TMPRSS15: variants seen among roughly 807,000 people sequenced by gnomAD.
TMPRSS15 encodes transmembrane serine protease 15, also known as enteropeptidase.
In TMPRSS15, 128 loss-of-function variants were observed where a neutral mutation model predicts 125.3. The observed-to-expected ratio is 1.02, with a 90% CI of 0.89 to 1.18. The LOEUF (loss-of-function observed/expected upper bound fraction) is 1.18. Among genes scored for constraint, TMPRSS15 ranks in the 50% most tolerant of loss-of-function variants. TMPRSS15 has a pLI of 0.00. For missense variants in TMPRSS15, 1,283 were observed against 1,212.7 expected (o/e 1.06, Z -0.86); for synonymous variants, 446 against 423.2 (o/e 1.05, Z -0.66).
At chr21:18,453,060 A>G (rs990757399) in intron 1 of TMPRSS15, among the ~76,000 whole-genome samples, 4 of 152,190 alleles carry the variant, frequency 2.6e-5, no homozygotes, top group Admixed American at 2.6e-4. Flanking sequence ...ATCTAGCACA[A>G]CTGAAACTTT....
chr21:18,424,032 G>A (rs1287601525), intron 1 of TMPRSS15, among the ~76,000 whole-genome samples: 3 of 152,006 alleles, frequency 2.0e-5, no homozygotes, highest in African/African-American at 7.3e-5. Flanking sequence ...TTTCAGCCTG[G>A]CATCAATAAT....
At chr21:18,302,346 G>T (rs2074981984) in intron 18 of TMPRSS15, among the ~76,000 whole-genome samples, 1 of 152,146 alleles carries the variant, frequency 6.6e-6, no homozygotes, top group Non-Finnish European at 1.5e-5. Context: ...GCAGAGGCTT[G>T]GTGGATAGAA....
chr21:18,440,582 A>G (rs1473076660), intron 1 of TMPRSS15, among the ~76,000 whole-genome samples: 2 of 151,960 alleles, frequency 1.3e-5, no homozygotes, highest in Non-Finnish European at 2.9e-5. Flanking sequence ...TATTTTTCAT[A>G]TTTATTATCC....
upstream of TMPRSS15, among the ~76,000 whole-genome samples, chr21:18,404,788 C>A (rs574090479): frequency 2.6e-5 from 4 of 151,834 alleles, no homozygotes; most frequent in South Asian, 8.3e-4. Context: ...TCTTCTTTAC[C>A]CATGAAAGAA....
intron 24 of TMPRSS15, among the ~76,000 whole-genome samples, chr21:18,272,398 T>C (rs1460238367): frequency 6.6e-5 from 10 of 152,160 alleles, no homozygotes; most frequent in Admixed American, 5.9e-4. Context: ...ATTTCATTCT[T>C]CCACTGTCTT....
intron 1 of TMPRSS15, among the ~76,000 whole-genome samples, chr21:18,480,032 T>C (rs1306324409): frequency 1.3e-5 from 2 of 151,988 alleles, no homozygotes; most frequent in Admixed American, 6.6e-5. Flanking sequence ...ATGTGGCACA[T>C]GTACACCATG....
intron 6 of TMPRSS15, among the ~76,000 whole-genome samples, chr21:18,370,747 T>C (rs1402460217): frequency 6.6e-6 from 1 of 152,162 alleles, no homozygotes; most frequent in African/African-American, 2.4e-5. Flanking sequence ...GAAATCTCTG[T>C]AGTAGAGTTG....
At chr21:18,413,363 T>TTCCTTC (rs1569064084) in intron 1 of TMPRSS15, among the ~76,000 whole-genome samples, 143 of 117,234 alleles carry the variant, frequency 1.2e-3, no homozygotes, top group African/African-American at 4.2e-3. Flanking sequence ...TTCCTTCCTT[T>TTCCTTC]CCTTCCTTCC....
At chr21:18,359,720 C>T (rs1260395554) in intron 8 of TMPRSS15, 37 bp downstream of exon 8, 1 of 1,028,638 alleles carries the variant, frequency 9.7e-7, no homozygotes, top group Non-Finnish European at 1.5e-6. Flanking sequence ...CACATATTTT[C>T]ATTTTCATAA....
intron 16 of TMPRSS15, among the ~76,000 whole-genome samples, chr21:18,315,464 A>G (rs111769623): frequency 0.021 from 2,515 of 120,020 alleles, 122 homozygotes; most frequent in African/African-American, 0.069. Flanking sequence ...CACGTTGTGC[A>G]CATGTACCGT....
chr21:18,294,637 C>G lies in TMPRSS15; in HGVS notation c.2277G>C (p.Gln759His). Residue 759 changes from glutamine (Q) to histidine (H), a missense_variant, in exon 20 of 25, where the codon CAG (glutamine) becomes CAC (histidine). Transcript: ENST00000284885. ...LILTPSQQCL[Q>H]DSLIRLQCNH... ...TACACTGTAACCGAATCAAGGAATC[C>G]TGTAAACACTGTTGACTGTAATAGA... is the stretch of plus-strand genomic sequence containing the variant. The G allele has an allele frequency of 6.2e-7, 1 of 1,610,862 alleles. No homozygotes were observed. The highest frequency in any genetic ancestry group is 1.1e-5 in the South Asian group (1 of 90,980).
intron 1 of TMPRSS15, among the ~76,000 whole-genome samples, chr21:18,445,607 T>C (rs13048797): frequency 0.37 from 56,337 of 152,050 alleles, 11,231 homozygotes; most frequent in Middle Eastern, 0.5. Context: ...AAAAAGATCA[T>C]TCACCATGAT....
intron 1 of TMPRSS15, among the ~76,000 whole-genome samples, chr21:18,434,889 A>G (rs1789506519): frequency 6.6e-6 from 1 of 152,078 alleles, no homozygotes; most frequent in African/African-American, 2.4e-5. Flanking sequence ...TGATTGGACA[A>G]ATTGAGTCTT....
intron 1 of TMPRSS15, among the ~76,000 whole-genome samples, chr21:18,440,923 A>G (rs2076239997): frequency 6.6e-6 from 1 of 152,218 alleles, no homozygotes; most frequent in Admixed American, 6.5e-5. Context: ...AGAATGATCA[A>G]CCTACTAACA....
At position 18,355,112 on chromosome 21, in the gene TMPRSS15, C is replaced by T. The variant is rs151162296; in HGVS notation, c.881-1249G>A. Among the ~76,000 whole-genome samples, 896 of 151,966 alleles carry T rather than the reference C, an allele frequency of 5.9e-3. 13 individuals are homozygous for T. Among genetic ancestry groups the T allele is most frequent in the African/African-American group, 0.02 (836 of 41,518 alleles). On this transcript the variant is annotated intron_variant, in intron 8 of 24. Coordinates refer to ENST00000284885, the MANE Select transcript of TMPRSS15 (RefSeq NM_002772.3). Reference sequence around the variant, plus strand: ...AGAACTATTATTTAGACTGTTGCTACGGCAGCATGCATACCTGTGTAATTT... The same window carrying T: ...AGAACTATTATTTAGACTGTTGCTATGGCAGCATGCATACCTGTGTAATTT...
At chr21:18,471,104 G>A (rs1036844991) in intron 1 of TMPRSS15, among the ~76,000 whole-genome samples, 5 of 151,966 alleles carry the variant, frequency 3.3e-5, no homozygotes, top group Non-Finnish European at 5.9e-5. Flanking sequence ...TCAGAGATAG[G>A]ACTCATTTTT....
At chr21:18,481,562 T>G (rs1978982299) in intron 1 of TMPRSS15, among the ~76,000 whole-genome samples, 1 of 151,730 alleles carries the variant, frequency 6.6e-6, no homozygotes, top group Non-Finnish European at 1.5e-5. Flanking sequence ...AAATTATTAA[T>G]GTCAAAAATA....
At chr21:18,370,438 G>A (rs185563550) in intron 6 of TMPRSS15, among the ~76,000 whole-genome samples, 43 of 152,186 alleles carry the variant, frequency 2.8e-4, no homozygotes, top group Non-Finnish European at 3.1e-4. Context: ...AAAGCCATGT[G>A]TCTAAGTTGA....
At position 18,281,233 on chromosome 21, in the gene TMPRSS15, A is replaced by G. The variant is rs779184545; in HGVS notation, c.2487-12T>C. ...GCTCTAAGTTTCTCCTGAAAATTGTAATGAAGAAATATGAGACACTCTCCA... is the reference window on the plus strand; with the variant it reads ...GCTCTAAGTTTCTCCTGAAAATTGTGATGAAGAAATATGAGACACTCTCCA... On this transcript the variant is annotated splice_polypyrimidine_tract_variant and intron_variant, in intron 21 of 24. Transcript: ENST00000284885. The G allele has an allele frequency of 2.5e-6, 4 of 1,612,858 alleles. No individual in the cohort carries two copies. Among genetic ancestry groups the G allele is most frequent in the African/African-American group, 2.7e-5 (2 of 74,870 alleles).
Sources: allele counts gnomAD v4.1 joint callset (sites outside exome capture counted in the v4.1 genomes callset), GRCh38; gene constraint gnomAD v4.1.1; transcripts MANE v1.5; gene names NCBI Gene and HGNC (gene_info 2026-07-23, HGNC 2026-07-21).